BMAL1: variants seen among roughly 807,000 people sequenced by gnomAD.
BMAL1 encodes basic helix-loop-helix ARNT-like protein 1.
chr11:13,282,441 G>C, the BMAL1 span, among the ~76,000 whole-genome samples: 1 of 152,122 alleles, frequency 6.6e-6, no homozygotes, highest in African/African-American at 2.4e-5. Context: ...TTGCCGGGGT[G>C]CCTTGGCCTG....
chr11:13,386,906 CT>C, the BMAL1 span: 1 of 872,442 alleles, frequency 1.1e-6, no homozygotes, highest in Non-Finnish European at 1.6e-6. Flanking sequence ...ACAAGTCAAT[CT>C]TACTATATGT....
the BMAL1 span, among the ~76,000 whole-genome samples, chr11:13,319,077 T>C: frequency 7.2e-5 from 11 of 152,246 alleles, no homozygotes; most frequent in Non-Finnish European, 1.5e-5. Context: ...CTTTCCCTTT[T>C]GTTTTCTAAA....
chr11:13,378,600 G>C, the BMAL1 span: 2 of 970,648 alleles, frequency 2.1e-6, no homozygotes, highest in Non-Finnish European at 3.1e-6. Context: ...ATAGAGACCA[G>C]GGATGCTGCT....
chr11:13,360,995 T>G, the BMAL1 span, among the ~76,000 whole-genome samples: 1 of 152,134 alleles, frequency 6.6e-6, no homozygotes, highest in Non-Finnish European at 1.5e-5. Flanking sequence ...AGATGCCTTC[T>G]TGGGAGGCTG....
the BMAL1 span, among the ~76,000 whole-genome samples, chr11:13,340,911 T>C: frequency 6.6e-6 from 1 of 152,182 alleles, no homozygotes; most frequent in African/African-American, 2.4e-5. Context: ...AACAACCCAG[T>C]GCGGGGAATC....
At chr11:13,295,041 A>G in the BMAL1 span, among the ~76,000 whole-genome samples, 2 of 152,302 alleles carry the variant, frequency 1.3e-5, no homozygotes, top group East Asian at 3.9e-4. Flanking sequence ...TCAAGACTGC[A>G]GGGAAGGGCT....
At chr11:13,361,052 T>TG in the BMAL1 span, among the ~76,000 whole-genome samples, 1 of 152,148 alleles carries the variant, frequency 6.6e-6, no homozygotes, top group Non-Finnish European at 1.5e-5. Context: ...TGCAGTAAGC[T>TG]GAGATCACTC....
the BMAL1 span, among the ~76,000 whole-genome samples, chr11:13,340,555 G>A: frequency 1.3e-5 from 2 of 152,118 alleles, no homozygotes; most frequent in Non-Finnish European, 2.9e-5. Flanking sequence ...AGTCCTCAAT[G>A]CTTCCTGCTA....
At chr11:13,370,975 C>T in the BMAL1 span, among the ~76,000 whole-genome samples, 1 of 152,176 alleles carries the variant, frequency 6.6e-6, no homozygotes, top group Non-Finnish European at 1.5e-5. Context: ...TCACATGGCT[C>T]TCTCCAACCT....
At chr11:13,301,107 T>G in the BMAL1 span, among the ~76,000 whole-genome samples, 3 of 152,176 alleles carry the variant, frequency 2.0e-5, no homozygotes, top group Non-Finnish European at 2.9e-5. Flanking sequence ...CAGTTAATTT[T>G]TGTATTTTCA....
At chr11:13,338,236 A>T in the BMAL1 span, among the ~76,000 whole-genome samples, 1 of 152,162 alleles carries the variant, frequency 6.6e-6, no homozygotes, top group Non-Finnish European at 1.5e-5. Context: ...TGAAGGAAAA[A>T]AAACAAGCCG....
At chr11:13,372,112 C>G in the BMAL1 span, 3 of 1,606,344 alleles carry the variant, frequency 1.9e-6, no homozygotes, top group South Asian at 3.3e-5. Flanking sequence ...CCGTGTACAC[C>G]TCCATGGCCC....
chr11:13,291,805 G>GTATGATACAGAA, the BMAL1 span, among the ~76,000 whole-genome samples: 1 of 151,354 alleles, frequency 6.6e-6, no homozygotes, highest in East Asian at 1.9e-4. Context: ...TAATTGACGT[G>GTATGATACAGAA]TACTCTGTAT....
At chr11:13,378,485 T>A in the BMAL1 span, 2 of 1,579,998 alleles carry the variant, frequency 1.3e-6, no homozygotes, top group Non-Finnish European at 1.7e-6. Flanking sequence ...AACCAGTGGT[T>A]CTCAACCCAG....
chr11:13,367,386 T>C, the BMAL1 span, among the ~76,000 whole-genome samples: 2 of 152,008 alleles, frequency 1.3e-5, no homozygotes, highest in East Asian at 3.9e-4. Context: ...GGCTGTACAC[T>C]CCTACAGTTA....
chr11:13,370,455 G>A, the BMAL1 span, among the ~76,000 whole-genome samples: 18 of 152,230 alleles, frequency 1.2e-4, no homozygotes, highest in East Asian at 3.9e-4. Context: ...GATACGTGCC[G>A]AAGTAATCAC....
chr11:13,320,471 C>G, the BMAL1 span, among the ~76,000 whole-genome samples: 2 of 152,232 alleles, frequency 1.3e-5, no homozygotes, highest in Non-Finnish European at 2.9e-5. Flanking sequence ...ATCCTGACAT[C>G]ATCACATTTA....
the BMAL1 span, among the ~76,000 whole-genome samples, chr11:13,281,961 G>T: frequency 6.6e-6 from 1 of 152,222 alleles, no homozygotes; most frequent in East Asian, 1.9e-4. Context: ...TCCGTGGCCT[G>T]GGGTCCCCTC....
chr11:13,372,438 A>G, the BMAL1 span: 35 of 1,608,760 alleles, frequency 2.2e-5, no homozygotes, highest in Non-Finnish European at 2.9e-5. Flanking sequence ...CCCTTGAGCA[A>G]TGATGGTAGA....
Sources: gnomAD v4.1 joint callset for allele counts (sites outside exome capture counted in the v4.1 genomes callset) on GRCh38, gnomAD v4.1.1 for gene constraint, MANE v1.5 for transcripts, NCBI Gene and HGNC (gene_info 2026-07-23, HGNC 2026-07-21) for gene names.